Variants in MAST2 observed in about 807,000 individuals in gnomAD.
MAST2 encodes the protein microtubule-associated serine/threonine-protein kinase 2.
A neutral mutation model predicts 147.4 loss-of-function variants in MAST2; 70 were observed. The ratio of observed to expected loss-of-function variants is 0.47; its 90% CI spans 0.39 to 0.58. MAST2 has a LOEUF of 0.58. Among genes scored for constraint, MAST2 ranks in the 20% least tolerant of loss-of-function variants. MAST2 has a pLI of 0.00. For missense variants in MAST2, 2,080 were observed against 2,302.3 expected (o/e 0.90, Z 1.98); for synonymous variants, 869 against 896.8 (o/e 0.97, Z 0.55).
intron 1 of MAST2, among the ~76,000 whole-genome samples, chr1:45,810,916 G>A (rs1331990774): frequency 1.4e-5 from 2 of 143,000 alleles, no homozygotes; most frequent in Non-Finnish European, 3.0e-5. Context: ...GCAGTGGCAC[G>A]ATCTCAGCTC....
In MAST2 at chr1:46,030,672, C is replaced by T. The variant is rs1398386210; in HGVS notation, c.2619C>T (p.Arg873=). 6 of 1,611,344 alleles carry T rather than the reference C, an allele frequency of 3.7e-6. No individual in the cohort carries two copies. The change falls in exon 22 of 29, where the codon CGC becomes CGT. Residue 873 remains arginine (R), a synonymous_variant. Transcript: ENST00000361297. ...GCCGGACACCACCCCCGACCAAGCG[C>T]AGCCTGAGTGAGGAGAAGGAGGACC... ...EERRTPPPTK[R]SLSEEKEDHS... is the part of the protein sequence containing the mutation.
chr1:45,841,236 A>G (rs941955871), intron 3 of MAST2, among the ~76,000 whole-genome samples: 1 of 152,146 alleles, frequency 6.6e-6, no homozygotes, highest in African/African-American at 2.4e-5. Flanking sequence ...CTGGAATTAC[A>G]GGGGTGAGCC....
In MAST2 at chr1:45,959,599, A is replaced by T. The variant is rs1247731245; in HGVS notation, c.592+122A>T. On this transcript the variant is annotated intron_variant, in intron 5 of 28. Transcript: ENST00000361297. ...ATTGTCACTTTACTTGGCTGACTGA[A>T]GCAGACAGAGCTCATGGGCTTGCTT... The T allele has an allele frequency of 1.1e-5, 8 of 759,234 alleles. No homozygotes were observed. In the African/African-American group the frequency reaches 1.2e-4, roughly 12 times the overall value. The allele number at this position is 759,234 out of a possible 1,614,324, so 47.0% of individuals were successfully genotyped here.
At chr1:45,963,069 G>A (rs1660667901) in intron 5 of MAST2, among the ~76,000 whole-genome samples, 2 of 152,134 alleles carry the variant, frequency 1.3e-5, no homozygotes, top group Admixed American at 6.5e-5. Flanking sequence ...AGATCAGATG[G>A]TTGTAGATGT....
chr1:45,972,140 A>G (rs1212761991), intron 5 of MAST2, among the ~76,000 whole-genome samples: 1 of 152,220 alleles, frequency 6.6e-6, no homozygotes, highest in Non-Finnish European at 1.5e-5. Context: ...AGGAGTCCAC[A>G]GACCTCGGCC....
Position 45,952,228 on chromosome 1 carries a change from A to G in MAST2, c.501-7158A>G, listed in dbSNP as rs114692700. On this transcript the variant is annotated intron_variant, in intron 4 of 28. Transcript: ENST00000361297. ...CAATTGTGGCATGGAGAATTTATGC[A>G]TGCCACAACATGCATGAAAACATGC... Among the ~76,000 whole-genome samples, 523 of 152,370 alleles carry G rather than the reference A, an allele frequency of 3.4e-3. 2 individuals carry two copies. The highest frequency in any genetic ancestry group is 0.011 in the African/African-American group (474 of 41,592).
chr1:45,859,044 A>G (rs907787747), intron 3 of MAST2, among the ~76,000 whole-genome samples: 1 of 149,928 alleles, frequency 6.7e-6, no homozygotes, highest in Admixed American at 6.7e-5. Flanking sequence ...CAGGTAGCAT[A>G]ATGCCTCCAG....
chr1:45,932,351 A>T (rs552700450), intron 4 of MAST2, among the ~76,000 whole-genome samples: 9 of 152,068 alleles, frequency 5.9e-5, no homozygotes, highest in Admixed American at 2.6e-4. Context: ...ACCTCTCCCT[A>T]TTCATTTTTC....
In MAST2 at chr1:45,817,903, C is replaced by G. The variant is rs141264436; in HGVS notation, c.178-6530C>G. Among the ~76,000 whole-genome samples the G allele has an allele frequency of 9.2e-5, 14 of 152,024 alleles. No homozygotes were observed. The East Asian group carries it at 2.1e-3, about 23-fold the overall frequency. ...ACCATTACAATCAACACATTTTCGC[C>G]AATGAGAAATGTTTGTTCTTGTTGT... On this transcript the variant is annotated intron_variant, in intron 1 of 28. Transcript: ENST00000361297.
chr1:46,022,971 G>A lies in MAST2; in HGVS notation c.1485G>A (p.Glu495=). 2 of 1,613,982 alleles carry A rather than the reference G, an allele frequency of 1.2e-6. No homozygotes were observed. Among genetic ancestry groups the A allele is most frequent in the Non-Finnish European group, 1.7e-6 (2 of 1,179,876 alleles). ...PDTPETDDSI[E]GHGASLPSKK... ...CTCCAGAGACAGATGATTCTATTGA[G>A]GTAAAAACCCTGAGCTCCTACCCCA... Residue 495 remains glutamate (E), a splice_region_variant and synonymous_variant, in exon 13 of 29, where the codon GAG becomes GAA. Transcript: ENST00000361297.
intron 4 of MAST2, among the ~76,000 whole-genome samples, chr1:45,904,516 G>A (rs1650326305): frequency 6.6e-6 from 1 of 151,812 alleles, no homozygotes; most frequent in Non-Finnish European, 1.5e-5. Context: ...TGCCTAGGCT[G>A]GGGTGCATTC....
chr1:45,996,736 C>T (rs981718627), intron 5 of MAST2, among the ~76,000 whole-genome samples: 8 of 152,000 alleles, frequency 5.3e-5, no homozygotes, highest in Non-Finnish European at 2.9e-5. Flanking sequence ...TATAAAAAGA[C>T]GTTAAGTGCT....
At chr1:45,929,443 T>G (rs1291682586) in intron 4 of MAST2, among the ~76,000 whole-genome samples, 10 of 152,186 alleles carry the variant, frequency 6.6e-5, no homozygotes, top group Non-Finnish European at 2.9e-5. Context: ...GCTAACTGAT[T>G]GCTCAGCTGA....
chr1:45,843,130 T>A (rs898642429), intron 3 of MAST2, among the ~76,000 whole-genome samples: 2 of 152,084 alleles, frequency 1.3e-5, no homozygotes, highest in African/African-American at 4.8e-5. Context: ...CCATTTTTTT[T>A]AATTGAATTT....
chr1:46,029,794 C>T (rs369617191), intron 19 of MAST2, 37 bp from the exon 20 acceptor site: 17 of 1,609,910 alleles, frequency 1.1e-5, no homozygotes, highest in East Asian at 2.2e-5. Flanking sequence ...CCATGCTGCT[C>T]ATCCTACCCC....
chr1:45,815,014 TA>T (rs747698068), intron 1 of MAST2, among the ~76,000 whole-genome samples: 4 of 152,308 alleles, frequency 2.6e-5, no homozygotes, highest in Admixed American at 6.5e-5. Context: ...GTGTTAAAAT[TA>T]GGTGATACCA....
At chr1:45,951,818 C>T (rs1374146190) in intron 4 of MAST2, among the ~76,000 whole-genome samples, 1 of 152,060 alleles carries the variant, frequency 6.6e-6, no homozygotes, top group Admixed American at 6.5e-5. Context: ...CTAAGAAATA[C>T]AGAAGATATG....
At chr1:45,923,851 C>CT (rs1653926901) in intron 4 of MAST2, among the ~76,000 whole-genome samples, 1 of 152,054 alleles carries the variant, frequency 6.6e-6, no homozygotes, top group Non-Finnish European at 1.5e-5. Flanking sequence ...AGGTCATTAC[C>CT]TTTATTACCT....
chr1:46,008,180 G>A (rs1203870524), intron 8 of MAST2, 116 bp from the exon 9 acceptor site: 8 of 680,510 alleles, frequency 1.2e-5, no homozygotes, highest in Non-Finnish European at 1.9e-5. Context: ...ACCCGTTAAA[G>A]TGGGAGTATG....
Sources: gnomAD v4.1 joint callset for allele counts (sites outside exome capture counted in the v4.1 genomes callset) on GRCh38, gnomAD v4.1.1 for gene constraint, MANE v1.5 for transcripts, NCBI Gene and HGNC (gene_info 2026-07-23, HGNC 2026-07-21) for gene names.